The following NRG3 variants were observed in gnomAD, a reference collection of about 807,000 sequenced individuals.
NRG3 encodes the protein neuregulin 3.
In NRG3, 31 loss-of-function variants were observed where a neutral mutation model predicts 66.9. The ratio of observed to expected loss-of-function variants is 0.46; its 90% CI spans 0.35 to 0.63. The LOEUF is 0.63. Among genes scored for constraint, NRG3 ranks in the 20% least tolerant of loss-of-function variants. The pLI is 0.00. For synonymous variants in NRG3, 393 were observed against 359.4 expected (o/e 1.09, Z -1.06); for missense variants, 910 against 878.9 (o/e 1.04, Z -0.45).
chr10:82,035,111 C>T (rs1019495288), intron 1 of NRG3, among the ~76,000 whole-genome samples: 5 of 152,070 alleles, frequency 3.3e-5, no homozygotes, highest in Admixed American at 6.6e-5. Flanking sequence ...GCAGCTTGCA[C>T]ATATGCTTCC....
chr10:82,542,831 T>A (rs1014565534), intron 2 of NRG3, among the ~76,000 whole-genome samples: 3 of 152,110 alleles, frequency 2.0e-5, no homozygotes, highest in Admixed American at 2.0e-4. Flanking sequence ...ATTTCCAGGT[T>A]GAAGGAGACT....
intron 1 of NRG3, among the ~76,000 whole-genome samples, chr10:82,348,263 G>T (rs535936256): frequency 1.3e-5 from 2 of 152,004 alleles, no homozygotes; most frequent in African/African-American, 4.8e-5. Context: ...GGCAGGCCTG[G>T]TGGTGACAAA....
chr10:82,985,978 T>C lies in NRG3; in HGVS notation c.*373T>C, dbSNP rs553561987. The C allele has an allele frequency of 5.5e-6, 1 of 182,348 alleles. No individual in the cohort carries two copies. Among genetic ancestry groups the C allele is most frequent in the African/African-American group, 2.4e-5 (1 of 41,918 alleles). 11.3% of individuals were successfully genotyped at this position (182,348 alleles called of 1,614,324 possible). On this transcript the variant is annotated 3_prime_UTR_variant, in exon 9 of 9. Coordinates refer to ENST00000372141, the MANE Select transcript of NRG3 (RefSeq NM_001010848.4). ...AAAGAGGAGAGCTGCATCCCGCAGG[T>C]GGATGCACCAGTGAGCAGGTGGCTC...
chr10:82,191,000 A>T (rs1431673592), intron 1 of NRG3, among the ~76,000 whole-genome samples: 2 of 152,036 alleles, frequency 1.3e-5, no homozygotes, highest in Non-Finnish European at 2.9e-5. Context: ...CCACCTCAGG[A>T]TCTCCCTGAC....
chr10:82,383,063 C>A (rs2085728600), intron 2 of NRG3, among the ~76,000 whole-genome samples: 1 of 151,872 alleles, frequency 6.6e-6, no homozygotes, highest in Non-Finnish European at 1.5e-5. Context: ...AAAAGGCCTT[C>A]ATTTATTCAT....
At chr10:82,323,085 G>A (rs916628238) in intron 1 of NRG3, among the ~76,000 whole-genome samples, 1 of 152,164 alleles carries the variant, frequency 6.6e-6, no homozygotes, top group Non-Finnish European at 1.5e-5. Flanking sequence ...ATTACTGTGG[G>A]AAGTATTTCC....
Position 81,903,995 on chromosome 10 carries a change from TA to T in NRG3, c.823+27833del, listed in dbSNP as rs1162434291. Among the ~76,000 whole-genome samples, 732 of 84,364 alleles carry T rather than the reference TA, an allele frequency of 8.7e-3. 1 individual carries two copies. The highest frequency in any genetic ancestry group is 0.032 in the African/African-American group (445 of 13,820). The allele number at this position is 84,364 out of a possible 152,430, so 55.3% of individuals were successfully genotyped here. On this transcript the variant is annotated intron_variant, in intron 1 of 8. Transcript: ENST00000372141. The stretch of plus-strand genomic sequence containing the variant: ...GTGTGTATATATATATATATATATA[TA>T]TTTTTTTTTTTTGTTTGTTTGTTTG...
At chr10:81,964,067 C>G (rs2059632905) in intron 1 of NRG3, among the ~76,000 whole-genome samples, 2 of 152,084 alleles carry the variant, frequency 1.3e-5, no homozygotes, top group Non-Finnish European at 2.9e-5. Flanking sequence ...TAATCTGCAT[C>G]CATTTTCCCA....
chr10:82,280,026 A>C (rs182337836), intron 1 of NRG3, among the ~76,000 whole-genome samples: 5 of 152,286 alleles, frequency 3.3e-5, no homozygotes, highest in Middle Eastern at 3.4e-3. Context: ...TGGCTGTTCT[A>C]TCAGGAGTTT....
chr10:82,934,264 T>C (rs1847860936), intron 4 of NRG3, among the ~76,000 whole-genome samples: 1 of 152,228 alleles, frequency 6.6e-6, no homozygotes, highest in South Asian at 2.1e-4. Context: ...ATAATGCGGT[T>C]AGGACATAAA....
At chr10:82,084,566 A>G (rs564783662) in intron 1 of NRG3, among the ~76,000 whole-genome samples, 3 of 148,128 alleles carry the variant, frequency 2.0e-5, no homozygotes, top group Non-Finnish European at 3.0e-5. Context: ...TTTATCCTTC[A>G]TGCTTCTGTT....
intron 1 of NRG3, among the ~76,000 whole-genome samples, chr10:82,122,328 G>A (rs2068141740): frequency 1.3e-5 from 2 of 152,004 alleles, no homozygotes; most frequent in Non-Finnish European, 2.9e-5. Flanking sequence ...TTTTCCCCTT[G>A]GCATTTGGTT....
intron 7 of NRG3, among the ~76,000 whole-genome samples, chr10:82,976,763 C>CTTG (rs1471984484): frequency 6.6e-6 from 1 of 152,114 alleles, no homozygotes; most frequent in Non-Finnish European, 1.5e-5. Flanking sequence ...GGTCATGGCA[C>CTTG]TTGTGTCCCC....
At chr10:82,134,339 T>A (rs2069161146) in intron 1 of NRG3, among the ~76,000 whole-genome samples, 1 of 152,218 alleles carries the variant, frequency 6.6e-6, no homozygotes, top group Non-Finnish European at 1.5e-5. Context: ...TGCTTTTTCC[T>A]ATGTCTAGGA....
chr10:82,226,468 C>A (rs2133830760), intron 1 of NRG3, among the ~76,000 whole-genome samples: 1 of 152,242 alleles, frequency 6.6e-6, no homozygotes, highest in South Asian at 2.1e-4. Flanking sequence ...GATTTGAATC[C>A]TCCTTCTGTA....
At position 82,297,499 on chromosome 10, in the gene NRG3, GC is replaced by G. The variant is rs533891352; in HGVS notation, c.824-61239del. On this transcript the variant is annotated intron_variant, in intron 1 of 8. Coordinates refer to ENST00000372141, the MANE Select transcript of NRG3 (RefSeq NM_001010848.4). The stretch of plus-strand genomic sequence containing the variant: ...GGGCAACATGTATAACATTATAGGA[GC>G]TTTTGACTGGTTTCTCTGCTTAGTA... Among the ~76,000 whole-genome samples, 394 of 152,208 alleles carry G rather than the reference GC, an allele frequency of 2.6e-3. 1 individual carries two copies. Among genetic ancestry groups the G allele is most frequent in the African/African-American group, 9.1e-3 (377 of 41,548 alleles).
intron 3 of NRG3, among the ~76,000 whole-genome samples, chr10:82,790,314 C>G (rs369092159): frequency 2.6e-5 from 4 of 152,052 alleles, no homozygotes; most frequent in African/African-American, 7.2e-5. Context: ...CTTTATTTCT[C>G]TCATAGACAT....
intron 2 of NRG3, among the ~76,000 whole-genome samples, chr10:82,520,846 G>A (rs1846112821): frequency 1.3e-5 from 2 of 152,044 alleles, no homozygotes; most frequent in African/African-American, 4.8e-5. Flanking sequence ...ACTGGTGTTC[G>A]GGTATAAACT....
intron 3 of NRG3, among the ~76,000 whole-genome samples, chr10:82,804,829 A>G (rs559413461): frequency 1.3e-5 from 2 of 152,316 alleles, no homozygotes; most frequent in African/African-American, 4.8e-5. Flanking sequence ...AACATAGCCT[A>G]TCTGGGAAGG....
Sources: gnomAD v4.1 joint callset for allele counts (sites outside exome capture counted in the v4.1 genomes callset) on GRCh38, gnomAD v4.1.1 for gene constraint, MANE v1.5 for transcripts, NCBI Gene and HGNC (gene_info 2026-07-23, HGNC 2026-07-21) for gene names.